The following CLSTN3 variants were observed in gnomAD, a reference collection of about 807,000 sequenced individuals.
CLSTN3 encodes calsyntenin 3.
In CLSTN3, 36 loss-of-function variants were observed where a neutral mutation model predicts 95.9. That is an observed-to-expected ratio of 0.38 (90% confidence interval 0.29 to 0.50). CLSTN3 has a LOEUF of 0.50. Ranked by LOEUF, CLSTN3 falls within the 20% of genes least tolerant of loss-of-function variation. The pLI, the probability that CLSTN3 is intolerant of heterozygous loss-of-function variation, is 0.95. For synonymous variants in CLSTN3, 481 were observed against 504.0 expected, an observed-to-expected ratio of 0.95 and a Z score of 0.61; for missense variants, 1,084 against 1,268.8, an observed-to-expected ratio of 0.85 and a Z score of 2.21.
rs1479055443 is a variant in CLSTN3, at chr12:7,141,861, G to A, written c.1487-225G>A. Among the ~76,000 whole-genome samples, 1 of 152,142 alleles carries A rather than the reference G, an allele frequency of 6.6e-6. No homozygotes were observed. The highest frequency in any genetic ancestry group is 1.5e-5 in the Non-Finnish European group (1 of 68,032). On this transcript the variant is annotated intron_variant, in intron 9 of 17. Coordinates refer to ENST00000266546, the MANE Select transcript of CLSTN3 (RefSeq NM_014718.4). The surrounding 1 kb of genome is among the most constrained non-coding windows in gnomAD (Gnocchi z 4.1). ...CCACGTGTTTCCTCAGCAGCATATC[G>A]TATTTGGGGGTTTGTCTATAATAGA...
rs751373748 is a variant in CLSTN3 at position 7,143,263 on chromosome 12, G to A, written c.1799G>A (p.Arg600His). The A allele has an allele frequency of 1.1e-5, 17 of 1,612,846 alleles. No homozygotes were observed. The highest frequency in any genetic ancestry group is 1.0e-4 in the Admixed American group (6 of 60,012). The change falls in exon 12 of 18, where the codon CGC becomes CAC. Residue 600 changes from arginine (R) to histidine (H), a missense_variant. By Grantham distance (29) the Arg-to-His change is conservative. Coordinates refer to ENST00000266546, the MANE Select transcript of CLSTN3 (RefSeq NM_014718.4). The stretch of plus-strand genomic sequence containing the variant: ...CATGTGGCTTACATGAACACTCTGC[G>A]CTTTGCCACGCCCGGCGTCAGGCCC... The part of the protein sequence containing the change: ...LQHVAYMNTL[R>H]FATPGVRPLR...
At chr12:7,132,894 A>T (rs758228355) in intron 1 of CLSTN3, 130 bp from the exon 2 acceptor site, 3 of 1,250,696 alleles carry the variant, frequency 2.4e-6, no homozygotes, top group Non-Finnish European at 3.4e-6. Flanking sequence ...CGCCTCCTGT[A>T]AGGTGCTCCT....
At position 7,149,087 on chromosome 12, in the gene CLSTN3, G is replaced by A; in HGVS notation, c.1963G>A (p.Ala655Thr). ...LSGTAHFARP[A>T]VDFEGTNGVP... ...TGGCACTGCTCATTTTGCCCGCCCA[G>A]CTGTGGACTTTGAGGGAACCAACGG... The change falls in exon 13 of 18, where the codon GCT becomes ACT. Residue 655 changes from alanine (A) to threonine (T), a missense_variant. Coordinates refer to ENST00000266546, the MANE Select transcript of CLSTN3 (RefSeq NM_014718.4). This position sits in a 1 kb window ranked among gnomAD's most constrained non-coding sequence, Gnocchi z 4.5. 1 of 1,614,234 alleles carries A rather than the reference G, an allele frequency of 6.2e-7. No homozygotes were observed.
In CLSTN3 at chr12:7,158,061, AC is replaced by A. The variant is rs758841384; in HGVS notation, c.2858del (p.Pro953HisfsTer106). Reference sequence around the variant, plus strand: ...CAGCGACGAGAGACGCATCATCGAGACCCCCCCACACCGCTACTAAGGCCTA... The same window carrying A: ...CAGCGACGAGAGACGCATCATCGAGACCCCCCACACCGCTACTAAGGCCTA... ...PSSDERRIIE[T>X]PPHRY On this transcript the variant is annotated frameshift_variant, in exon 18 of 18. Transcript: ENST00000266546. LOFTEE classifies it high-confidence loss of function. 3.3e-6 allele frequency: 5 copies of A among 1,530,862 alleles called. No homozygotes were observed. Among genetic ancestry groups the A allele is most frequent in the East Asian group, 2.5e-5 (1 of 40,474 alleles). 94.8% of individuals were successfully genotyped at this position (1,530,862 alleles called of 1,614,324 possible).
At chr12:7,146,821 A>T (rs973783284) in intron 12 of CLSTN3, among the ~76,000 whole-genome samples, 7 of 152,128 alleles carry the variant, frequency 4.6e-5, no homozygotes, top group African/African-American at 1.7e-4. Flanking sequence ...TGCTCATTGC[A>T]GGGAGGATGT....
chr12:7,132,967 T>C, intron 1 of CLSTN3, 57 bp from the exon 2 acceptor site: 2 of 1,610,350 alleles, frequency 1.2e-6, no homozygotes, highest in Non-Finnish European at 1.7e-6. Flanking sequence ...AGGGTTGTTG[T>C]GGGAGTAGAG....
In CLSTN3 at chr12:7,142,902, G is replaced by C. The variant is rs1160590071; in HGVS notation, c.1574G>C (p.Gly525Ala). 1 of 1,613,798 alleles carries C rather than the reference G, an allele frequency of 6.2e-7. No homozygotes were observed. The highest frequency in any genetic ancestry group is 8.5e-7 in the Non-Finnish European group (1 of 1,180,000). The change falls in exon 11 of 18, where the codon GGC (glycine) becomes GCC (alanine). Residue 525 changes from glycine (G) to alanine (A), a missense_variant. Physicochemically the swap from Gly to Ala is moderately conservative, Grantham distance 60. Transcript: ENST00000266546. ...TTGTCGATCCACCACTACTTCCATG[G>C]CTACCTGGCTGGTTTCAGCGTGCGC... ...DPLSIHHYFH[G>A]YLAGFSVRSG...
In CLSTN3 at chr12:7,136,983, G is replaced by T. The variant is rs1320288194; in HGVS notation, c.1083G>T (p.Gly361=). ...AGGTGCCCCTGGGTGGCCCCAGTGG[G>T]CTGGGCTCTGGGCCCCAGGACAGCC... The part of the protein sequence containing the change: ...AVQVPLGGPS[G]LGSGPQDSLS... The change falls in exon 7 of 18, where the codon GGG becomes GGT. Residue 361 remains glycine, a synonymous_variant. Transcript: ENST00000266546. The T allele has an allele frequency of 6.2e-7, 1 of 1,614,210 alleles. No homozygotes were observed. Among genetic ancestry groups the T allele is most frequent in the Non-Finnish European group, 8.5e-7 (1 of 1,180,038 alleles).
intron 5 of CLSTN3, 83 bp downstream of exon 5, chr12:7,136,036 G>T (rs1423126164): frequency 2.0e-6 from 3 of 1,530,656 alleles, no homozygotes; most frequent in Non-Finnish European, 2.6e-6. Context: ...AATCATGGGG[G>T]CCAGGCTAGG....
intron 12 of CLSTN3, among the ~76,000 whole-genome samples, chr12:7,148,505 T>C (rs985042784): frequency 1.1e-4 from 16 of 152,214 alleles, no homozygotes; most frequent in African/African-American, 3.4e-4. Context: ...AGGACATCCT[T>C]TGATAGATGT....
At chr12:7,132,530 G>A in intron 1 of CLSTN3, 1 of 232,544 alleles carries the variant, frequency 4.3e-6, no homozygotes, top group Non-Finnish European at 8.5e-6. Flanking sequence ...CAGAGTGAAG[G>A]GATCAGGACT....
In CLSTN3 at chr12:7,147,268, C is replaced by T. The variant is rs181649074; in HGVS notation, c.1848-1704C>T. ...AGTGGACTTGGGCGGTGTGTGGTGGCGCACACCTGTGGTCCCAGCTCCTCA... is the reference window on the plus strand; with the variant it reads ...AGTGGACTTGGGCGGTGTGTGGTGGTGCACACCTGTGGTCCCAGCTCCTCA... On this transcript the variant is annotated intron_variant, in intron 12 of 17. Transcript: ENST00000266546. Among the ~76,000 whole-genome samples the T allele has an allele frequency of 3.7e-3, 557 of 151,552 alleles. 3 individuals carry two copies. The Middle Eastern group carries it at 0.044, about 12-fold the overall frequency.
chr12:7,132,270 G>A (rs772156158), intron 1 of CLSTN3: 97 of 238,410 alleles, frequency 4.1e-4, no homozygotes, highest in African/African-American at 1.9e-3. Flanking sequence ...GAAATGTGTC[G>A]GTTTCGAATG....
intron 1 of CLSTN3, chr12:7,130,992 C>T: frequency 1.8e-6 from 1 of 544,548 alleles, no homozygotes; most frequent in Non-Finnish European, 3.3e-6. Flanking sequence ...CTCTATTCTC[C>T]CCTTCCCCTA....
chr12:7,157,351 T>A lies in CLSTN3; in HGVS notation c.2528-138T>A. 1 of 682,558 alleles carries A rather than the reference T, an allele frequency of 1.5e-6. No homozygotes were observed. Among genetic ancestry groups the A allele is most frequent in the Non-Finnish European group, 2.3e-6 (1 of 425,614 alleles). The allele number at this position is 682,558 out of a possible 1,614,324, so 42.3% of individuals were successfully genotyped here. On this transcript the variant is annotated intron_variant, in intron 16 of 17. Transcript: ENST00000266546. The surrounding 1 kb of genome is among the most constrained non-coding windows in gnomAD (Gnocchi z 5.9). ...TTTCTCTTCTGGCTTCTCCAGGTGT[T>A]CCTCTCTTCTCGGCCACCGTGTGTT... is the stretch of plus-strand genomic sequence containing the variant.
upstream of CLSTN3, chr12:7,130,243 G>T (rs767771091): frequency 8.2e-5 from 35 of 426,564 alleles, 1 homozygote; most frequent in African/African-American, 7.0e-4. Flanking sequence ...AAGGAGCCTT[G>T]AAACTCTCCA....
At chr12:7,129,685 C>T (rs1939241201), upstream of CLSTN3, 5 of 985,380 alleles carry the variant, frequency 5.1e-6, no homozygotes, top group African/African-American at 1.7e-5. The surrounding 1 kb of genome is among the most constrained non-coding windows in gnomAD (Gnocchi z 5.5). Flanking sequence ...TTGTGCCCCG[C>T]CCCCAGCTGC....
intron 5 of CLSTN3, 121 bp from the exon 6 acceptor site, chr12:7,136,085 C>G (rs1259237299): frequency 1.3e-6 from 2 of 1,491,734 alleles, no homozygotes; most frequent in African/African-American, 1.4e-5. Context: ...GCTATCTACT[C>G]TAGCCGGGCC....
intron 12 of CLSTN3, among the ~76,000 whole-genome samples, chr12:7,147,781 C>T (rs1344493529): frequency 1.3e-5 from 2 of 152,056 alleles, no homozygotes; most frequent in Non-Finnish European, 2.9e-5. Flanking sequence ...TCCCAAAGTG[C>T]CAGGATTTAC....
Sources: gnomAD v4.1 joint callset for allele counts (sites outside exome capture counted in the v4.1 genomes callset) on GRCh38, gnomAD v4.1.1 for gene constraint, Gnocchi (gnomAD v3.1) non-coding constraint, MANE v1.5 for transcripts, NCBI Gene and HGNC (gene_info 2026-07-23, HGNC 2026-07-21) for gene names.